The following NTNG1 variants were observed in gnomAD, a reference collection of about 807,000 sequenced individuals.
NTNG1 encodes the protein netrin-G1.
In NTNG1, 16 loss-of-function variants were observed where a neutral mutation model predicts 54.0. That is an observed-to-expected ratio of 0.30 (90% CI 0.20 to 0.45). The LOEUF is 0.45. NTNG1 is among the 20% of genes least tolerant of loss of function. The pLI is 1.00. For missense variants in NTNG1, 530 were observed against 678.7 expected (o/e 0.78, Z 2.43); for synonymous variants, 255 against 263.1 (o/e 0.97, Z 0.30).
intron 3 of NTNG1, among the ~76,000 whole-genome samples, chr1:107,335,322 T>A (rs548290485): frequency 6.6e-6 from 1 of 152,162 alleles, no homozygotes; most frequent in South Asian, 2.1e-4. Context: ...CCAAAGGGAC[T>A]TAAAATGCTA....
intron 3 of NTNG1, among the ~76,000 whole-genome samples, chr1:107,351,865 C>A (rs1212022876): frequency 6.6e-6 from 1 of 152,178 alleles, no homozygotes; most frequent in East Asian, 1.9e-4. Flanking sequence ...AATTAGGATA[C>A]AAGCATTGGG....
chr1:107,265,871 G>T (rs1003397624), intron 2 of NTNG1, among the ~76,000 whole-genome samples: 1 of 152,142 alleles, frequency 6.6e-6, no homozygotes, highest in Non-Finnish European at 1.5e-5. Context: ...CCTACCAGGA[G>T]GTGAGTCTCT....
At chr1:107,151,617 A>T (rs1170018035) in intron 2 of NTNG1, among the ~76,000 whole-genome samples, 1 of 152,174 alleles carries the variant, frequency 6.6e-6, no homozygotes, top group Non-Finnish European at 1.5e-5. Flanking sequence ...TCGAGGGAAC[A>T]TGTGCTGAGA....
At chr1:107,385,422 A>G (rs1671901121) in intron 3 of NTNG1, among the ~76,000 whole-genome samples, 1 of 152,120 alleles carries the variant, frequency 6.6e-6, no homozygotes, top group South Asian at 2.1e-4. Flanking sequence ...CTGTGTTCTT[A>G]TTCCAGGAAA....
At chr1:107,260,482 T>A (rs879644854) in intron 2 of NTNG1, among the ~76,000 whole-genome samples, 9 of 152,198 alleles carry the variant, frequency 5.9e-5, no homozygotes, top group Non-Finnish European at 1.3e-4. Flanking sequence ...ACAGCCTTCA[T>A]AGAATGATAT....
chr1:107,389,254 A>G (rs1031431714), intron 3 of NTNG1, among the ~76,000 whole-genome samples: 9 of 152,220 alleles, frequency 5.9e-5, no homozygotes, highest in Non-Finnish European at 7.3e-5. Context: ...TGACTGCACA[A>G]CAGGAAGCCT....
At chr1:107,236,600 TC>T (rs2101558019) in intron 2 of NTNG1, among the ~76,000 whole-genome samples, 1 of 152,306 alleles carries the variant, frequency 6.6e-6, no homozygotes, top group East Asian at 1.9e-4. Context: ...TTTGGCTATG[TC>T]CCCACCCAGA....
At chr1:107,220,223 G>A (rs1213945137) in intron 2 of NTNG1, among the ~76,000 whole-genome samples, 2 of 152,194 alleles carry the variant, frequency 1.3e-5, no homozygotes, top group African/African-American at 4.8e-5. Flanking sequence ...CAACAGCACT[G>A]AGTTTATTTC....
chr1:107,266,793 T>C (rs1472120871), intron 2 of NTNG1, among the ~76,000 whole-genome samples: 2 of 151,920 alleles, frequency 1.3e-5, no homozygotes, highest in Non-Finnish European at 2.9e-5. Flanking sequence ...CTGTTCAGTT[T>C]ATGTTATTAT....
At chr1:107,480,574 G>GAAGACCAAATTAGGGGGCAACACA in intron 7 of NTNG1, 37 bp from the exon 8 acceptor site, 1 of 324,108 alleles carries the variant, frequency 3.1e-6, no homozygotes, top group Non-Finnish European at 5.8e-6. Context: ...TCTCCTCCCC[G>GAAGACCAAATTAGGGGGCAACACA]CGCCCACCCA....
At chr1:107,314,431 ATAAATAAATAAAT>A (rs1203810080) in intron 2 of NTNG1, among the ~76,000 whole-genome samples, 3 of 151,282 alleles carry the variant, frequency 2.0e-5, no homozygotes, top group Admixed American at 6.6e-5. Context: ...AAATAAATAA[ATAAATAAATAAAT>A]AAAAATGAGA....
chr1:107,398,170 C>A (rs1489472751), intron 4 of NTNG1, among the ~76,000 whole-genome samples: 5 of 152,152 alleles, frequency 3.3e-5, no homozygotes, highest in Non-Finnish European at 7.4e-5. Context: ...ATCAAGTAGC[C>A]AGGATATTTT....
intron 2 of NTNG1, among the ~76,000 whole-genome samples, chr1:107,169,438 T>A (rs1656054341): frequency 6.6e-6 from 1 of 152,102 alleles, no homozygotes; most frequent in Non-Finnish European, 1.5e-5. Context: ...TAGTGTACAT[T>A]AGATCCACTT....
intron 2 of NTNG1, among the ~76,000 whole-genome samples, chr1:107,313,517 T>G (rs971119161): frequency 1.3e-5 from 2 of 152,004 alleles, no homozygotes; most frequent in Non-Finnish European, 2.9e-5. Context: ...GAAGTGTAAG[T>G]GATAGTTGAA....
chr1:107,429,134 T>TC (rs1338104715), intron 5 of NTNG1, among the ~76,000 whole-genome samples: 1 of 151,978 alleles, frequency 6.6e-6, no homozygotes, highest in Non-Finnish European at 1.5e-5. Context: ...GGCTTCAGCA[T>TC]CCCCCCTTTC....
chr1:107,368,905 T>C (rs1219708201), intron 3 of NTNG1, among the ~76,000 whole-genome samples: 1 of 152,224 alleles, frequency 6.6e-6, no homozygotes, highest in Non-Finnish European at 1.5e-5. Context: ...TATGTATACA[T>C]CCGTGAAGCC....
intron 2 of NTNG1, among the ~76,000 whole-genome samples, chr1:107,246,049 TTTTTG>T (rs150913258): frequency 1.3e-5 from 2 of 151,856 alleles, no homozygotes; most frequent in Non-Finnish European, 2.9e-5. Flanking sequence ...TTAATTATTA[TTTTTG>T]TTTTGTTTTG....
chr1:107,204,069 A>G lies in NTNG1; in HGVS notation c.246+55230A>G, dbSNP rs531009122. Among the ~76,000 whole-genome samples, 304 of 151,578 alleles carry G rather than the reference A, an allele frequency of 2.0e-3. 1 individual carries two copies. Among genetic ancestry groups the G allele is most frequent in the South Asian group, 3.5e-3 (17 of 4,810 alleles). On this transcript the variant is annotated intron_variant, in intron 2 of 7. Coordinates refer to ENST00000370068, the MANE Select transcript of NTNG1 (RefSeq NM_001113226.3). The stretch of plus-strand genomic sequence containing the variant: ...TTTTTCCATATTATTGCTTCTCTGT[A>G]TCTTTTTGAAAATCCTTAAGGTTTT...
At chr1:107,289,760 A>G (rs752385992) in intron 2 of NTNG1, among the ~76,000 whole-genome samples, 1 of 152,122 alleles carries the variant, frequency 6.6e-6, no homozygotes, top group Non-Finnish European at 1.5e-5. Flanking sequence ...GTAAGCCCTC[A>G]TTAAATTTTT....
Sources: gnomAD v4.1 joint callset for allele counts (sites outside exome capture counted in the v4.1 genomes callset) on GRCh38, gnomAD v4.1.1 for gene constraint, MANE v1.5 for transcripts, NCBI Gene and HGNC (gene_info 2026-07-23, HGNC 2026-07-21) for gene names.